Variants in LOC400499 observed in about 807,000 individuals in gnomAD.
At chr16:11,496,866 G>T in the LOC400499 span, among the ~76,000 whole-genome samples, 1 of 151,142 alleles carries the variant, frequency 6.6e-6, no homozygotes, top group Admixed American at 6.6e-5. Context: ...CCAGGTACGT[G>T]AGTCTTGGCG....
the LOC400499 span, among the ~76,000 whole-genome samples, chr16:11,510,796 T>C: frequency 2.6e-5 from 4 of 151,410 alleles, 1 homozygote; most frequent in African/African-American, 4.9e-5. Context: ...CCCACGACAG[T>C]TGGGAACCAG....
chr16:11,393,139 C>A, the LOC400499 span, among the ~76,000 whole-genome samples: 1 of 144,360 alleles, frequency 6.9e-6, no homozygotes, highest in African/African-American at 2.6e-5. Context: ...CAGGTGTGAG[C>A]CACCACGCCT....
chr16:11,430,999 C>T, the LOC400499 span: 20 of 398,968 alleles, frequency 5.0e-5, no homozygotes, highest in East Asian at 6.4e-4. Context: ...AAAGAAAGTG[C>T]TTGCCGCTGC....
chr16:11,497,458 G>A, the LOC400499 span, among the ~76,000 whole-genome samples: 2 of 152,372 alleles, frequency 1.3e-5, no homozygotes, highest in East Asian at 1.9e-4. Flanking sequence ...CATGGGAGGG[G>A]CCGCCTGCTG....
the LOC400499 span, chr16:11,396,580 G>C: frequency 1.6e-6 from 2 of 1,232,212 alleles, no homozygotes; most frequent in Non-Finnish European, 2.0e-6. Context: ...TGAGATGCAG[G>C]CCGTGGTCTG....
chr16:11,512,018 G>T, the LOC400499 span, among the ~76,000 whole-genome samples: 1 of 152,066 alleles, frequency 6.6e-6, no homozygotes, highest in African/African-American at 2.4e-5. Context: ...GCTGGGCACG[G>T]TGGCTCATGT....
chr16:11,524,825 G>A, the LOC400499 span, among the ~76,000 whole-genome samples: 128 of 151,456 alleles, frequency 8.5e-4, no homozygotes, highest in African/African-American at 2.9e-3. Flanking sequence ...GCCACTTGCA[G>A]GATCTTTCCC....
At chr16:11,434,795 G>A in the LOC400499 span, among the ~76,000 whole-genome samples, 87 of 152,282 alleles carry the variant, frequency 5.7e-4, no homozygotes, top group African/African-American at 2.1e-3. Flanking sequence ...AGTGGTCCCA[G>A]AGGCAGCCGT....
chr16:11,493,026 T>A, the LOC400499 span, among the ~76,000 whole-genome samples: 2 of 151,720 alleles, frequency 1.3e-5, no homozygotes, highest in African/African-American at 4.8e-5. Context: ...CAAGAGAGGG[T>A]CACAAGTGTT....
the LOC400499 span, among the ~76,000 whole-genome samples, chr16:11,407,996 T>C: frequency 8.0e-6 from 1 of 124,878 alleles, no homozygotes; most frequent in African/African-American, 3.1e-5. Flanking sequence ...TTTTTTTTTT[T>C]TGAGAAGGAG....
chr16:11,464,747 G>C, the LOC400499 span, among the ~76,000 whole-genome samples: 1 of 152,218 alleles, frequency 6.6e-6, no homozygotes, highest in African/African-American at 2.4e-5. Flanking sequence ...GTCTGGGGCA[G>C]ACGGAACTAG....
At chr16:11,441,447 G>C in the LOC400499 span, among the ~76,000 whole-genome samples, 1 of 152,204 alleles carries the variant, frequency 6.6e-6, no homozygotes, top group Non-Finnish European at 1.5e-5. Flanking sequence ...ACTAGTTATA[G>C]CCTGAAACCC....
chr16:11,417,737 C>G, the LOC400499 span: 621 of 399,176 alleles, frequency 1.6e-3, 1 homozygote, highest in Middle Eastern at 3.1e-3. Context: ...AGGTGCCCAT[C>G]ATGGTAATAG....
the LOC400499 span, among the ~76,000 whole-genome samples, chr16:11,436,796 G>A: frequency 6.6e-6 from 1 of 151,792 alleles, no homozygotes; most frequent in Non-Finnish European, 1.5e-5. Context: ...GTTTCACCAT[G>A]TTTCCCAGGT....
the LOC400499 span, chr16:11,439,467 T>A: frequency 2.5e-6 from 1 of 398,722 alleles, no homozygotes; most frequent in Non-Finnish European, 4.4e-6. Context: ...CAAGGTCATC[T>A]CCAAGGGAGC....
At chr16:11,418,433 G>A in the LOC400499 span, among the ~76,000 whole-genome samples, 111 of 152,280 alleles carry the variant, frequency 7.3e-4, no homozygotes, top group African/African-American at 2.5e-3. Context: ...AACCAAGAAG[G>A]TGACAAGAGT....
chr16:11,401,971 C>T, the LOC400499 span: 2 of 398,930 alleles, frequency 5.0e-6, no homozygotes, highest in African/African-American at 4.1e-5. Context: ...GCCCCAAAGA[C>T]CCCGCTCAGC....
chr16:11,388,745 C>T, the LOC400499 span, among the ~76,000 whole-genome samples: 9 of 152,202 alleles, frequency 5.9e-5, no homozygotes, highest in Non-Finnish European at 8.8e-5. Context: ...TTAGGAACTC[C>T]CAGTCACATC....
At chr16:11,449,047 C>T in the LOC400499 span, 2 of 1,491,498 alleles carry the variant, frequency 1.3e-6, no homozygotes, top group South Asian at 1.2e-5. Context: ...GCGTTCCAGG[C>T]TGACTCGAGT....
Sources: allele counts gnomAD v4.1 joint callset (sites outside exome capture counted in the v4.1 genomes callset), GRCh38; gene constraint gnomAD v4.1.1; transcripts MANE v1.5.